The following UPRT variants were observed in gnomAD, a reference collection of about 807,000 sequenced individuals.
UPRT encodes the protein uracil phosphoribosyltransferase homolog.
In UPRT, 5 loss-of-function variants were observed where a neutral mutation model predicts 22.6. That is an observed-to-expected ratio of 0.22 (90% CI 0.12 to 0.47). The LOEUF is 0.47. Among genes scored for constraint, UPRT ranks in the 20% least tolerant of loss-of-function variants. The probability of loss-of-function intolerance (pLI) is 0.99; values close to 1 mark genes in which losing one functional copy is unlikely to be tolerated. For missense variants in UPRT, 181 were observed against 239.9 expected (o/e 0.75, Z 1.62); for synonymous variants, 77 against 87.7 (o/e 0.88, Z 0.68).
At chrX:75,272,360 GTA>G (rs202123958), upstream of UPRT, among the ~76,000 whole-genome samples, 1,639 of 81,300 alleles carry the variant, frequency 0.02, 87 homozygotes, top group African/African-American at 0.071. Flanking sequence ...ATATATATGT[GTA>G]TATATATATA....
At chrX:75,301,481 T>G (rs2082744122) in intron 6 of UPRT, among the ~76,000 whole-genome samples, 1 of 111,815 alleles carries the variant, frequency 8.9e-6, no homozygotes, top group African/African-American at 3.2e-5. Context: ...TGCAGAACAA[T>G]TGGGAATATA....
intron 4 of UPRT, among the ~76,000 whole-genome samples, chrX:75,299,426 G>A (rs1020722431): frequency 2.7e-5 from 3 of 111,689 alleles, no homozygotes; most frequent in African/African-American, 9.7e-5. Context: ...TATTAAAAAA[G>A]CTCAGGGAGC....
rs376996981 is a variant in UPRT, at chrX:75,253,815, A to T, written c.-446-37209A>T. Among the ~76,000 whole-genome samples the T allele has an allele frequency of 6.2e-5, 7 of 112,103 alleles. No homozygotes were observed. In the East Asian group the frequency reaches 2.0e-3, roughly 31 times the overall value. ...CACAAACCCCCACTGGGGAAACTGAAGGTCTAGGTTATGGAAGATTCTGAC... is the reference window on the plus strand; with the variant it reads ...CACAAACCCCCACTGGGGAAACTGATGGTCTAGGTTATGGAAGATTCTGAC... On this transcript the variant is annotated intron_variant, in intron 4 of 13. Coordinates refer to the UPRT transcript ENST00000652605.
At chrX:75,281,823 A>G (rs2082658360) in intron 1 of UPRT, among the ~76,000 whole-genome samples, 1 of 111,513 alleles carries the variant, frequency 9.0e-6, no homozygotes, top group Non-Finnish European at 1.9e-5. Flanking sequence ...CTTGTGGAAT[A>G]GTGTCAAAAG....
intron 4 of UPRT, among the ~76,000 whole-genome samples, chrX:75,235,238 A>G (rs1330918238): frequency 2.7e-5 from 3 of 111,901 alleles, no homozygotes; most frequent in Non-Finnish European, 5.6e-5. Flanking sequence ...CTAAACCAGG[A>G]AGAAGTTGAA....
At chrX:75,287,181 A>G (rs1304069796) in intron 1 of UPRT, among the ~76,000 whole-genome samples, 1 of 111,570 alleles carries the variant, frequency 9.0e-6, no homozygotes, top group African/African-American at 3.3e-5. Flanking sequence ...GAGGGTTGTT[A>G]AGTGTATTCT....
At chrX:75,195,462 G>A (rs1377702215) in intron 4 of UPRT, among the ~76,000 whole-genome samples, 1 of 111,644 alleles carries the variant, frequency 9.0e-6, no homozygotes, top group Non-Finnish European at 1.9e-5. Flanking sequence ...TGGGGGGTGG[G>A]CATCCCTGGC....
intron 4 of UPRT, chrX:75,201,905 A>T (rs2082348183): frequency 9.0e-6 from 1 of 111,606 alleles, no homozygotes; most frequent in African/African-American, 3.3e-5. Context: ...CCTAGGCCTT[A>T]GTTGGAGCAT....
chrX:75,160,879 C>T (rs2082197111), intron 2 of UPRT, among the ~76,000 whole-genome samples: 1 of 111,602 alleles, frequency 9.0e-6, no homozygotes, highest in Admixed American at 9.5e-5. Context: ...CAACGAAATA[C>T]CTCAACAGCT....
At chrX:75,160,559 C>G (rs2082196046) in exon 2 of UPRT, among the ~76,000 whole-genome samples, 1 of 112,069 alleles carries the variant, frequency 8.9e-6, no homozygotes, top group South Asian at 3.7e-4. Context: ...GAGACAGAGT[C>G]TCGCTCTTGT....
At chrX:75,290,504 A>G (rs1248794331) in intron 1 of UPRT, among the ~76,000 whole-genome samples, 1 of 112,004 alleles carries the variant, frequency 8.9e-6, no homozygotes, top group Non-Finnish European at 1.9e-5. Context: ...TTGTATGTTC[A>G]TCACAACAGT....
chrX:75,251,315 A>T (rs1034445612), intron 4 of UPRT, among the ~76,000 whole-genome samples: 17 of 111,562 alleles, frequency 1.5e-4, no homozygotes, highest in East Asian at 8.4e-4. Context: ...AGAAAACCCG[A>T]TCGTCTCAGC....
chrX:75,221,466 C>T (rs969313820), intron 4 of UPRT, among the ~76,000 whole-genome samples: 1 of 111,052 alleles, frequency 9.0e-6, no homozygotes, highest in African/African-American at 3.3e-5. Context: ...ATATTTCCCC[C>T]TTTGAGGCTA....
intron 3 of UPRT, among the ~76,000 whole-genome samples, chrX:75,166,148 T>A (rs891115583): frequency 2.7e-5 from 3 of 111,735 alleles, no homozygotes; most frequent in African/African-American, 9.8e-5. Context: ...AATAATTTTG[T>A]CTGTAAGGGG....
intron 4 of UPRT, among the ~76,000 whole-genome samples, chrX:75,175,399 A>G (rs1381109430): frequency 1.8e-5 from 2 of 112,322 alleles, no homozygotes; most frequent in East Asian, 5.6e-4. Context: ...TGGGAGAAAT[A>G]CCTGATTACA....
chrX:75,156,881 G>A (rs1294106629), intron 1 of UPRT: 2 of 257,373 alleles, frequency 7.8e-6, no homozygotes, highest in Admixed American at 9.2e-5. Context: ...CCTTTGGTCT[G>A]TTGCTCGTGG....
At chrX:75,281,014 AT>A (rs1011878955) in intron 1 of UPRT, among the ~76,000 whole-genome samples, 9 of 109,222 alleles carry the variant, frequency 8.2e-5, no homozygotes, top group Non-Finnish European at 1.5e-4. Context: ...TAAGGATTTT[AT>A]TTTTTTTGGC....
upstream of UPRT, among the ~76,000 whole-genome samples, chrX:75,272,289 C>CAT (rs1227493117): frequency 1.8e-3 from 96 of 53,254 alleles, no homozygotes; most frequent in South Asian, 4.2e-3. Context: ...TATATATACA[C>CAT]ATATATATGT....
intron 4 of UPRT, among the ~76,000 whole-genome samples, chrX:75,253,996 A>G (rs2082540854): frequency 9.0e-6 from 1 of 111,441 alleles, no homozygotes; most frequent in Non-Finnish European, 1.9e-5. Flanking sequence ...CACAGGGAAA[A>G]GGCCTTTGGG....
Sources: allele counts gnomAD v4.1 joint callset (sites outside exome capture counted in the v4.1 genomes callset), GRCh38; gene constraint gnomAD v4.1.1; transcripts MANE v1.5; gene names NCBI Gene and HGNC (gene_info 2026-07-23, HGNC 2026-07-21).